TPGS2: variants seen among roughly 807,000 people sequenced by gnomAD.
TPGS2 encodes the protein polyglutamylase subunit 2.
TPGS2 carries 26 observed loss-of-function variants against 31.1 expected under a neutral mutation model. The ratio of observed to expected loss-of-function variants is 0.84; its 90% CI spans 0.61 to 1.16. TPGS2 has a LOEUF of 1.16. Ranked by LOEUF, TPGS2 falls within the 50% of genes most tolerant of loss-of-function variation. The pLI is 0.00. For synonymous variants in TPGS2, 130 were observed against 136.6 expected, an observed-to-expected ratio of 0.95 and a Z score of 0.34; for missense variants, 351 against 363.8, an observed-to-expected ratio of 0.96 and a Z score of 0.29.
In TPGS2 at chr18:36,796,893, C is replaced by T. The variant is rs754194344; in HGVS notation, c.815G>A (p.Gly272Asp). The T allele has an allele frequency of 1.9e-6, 3 of 1,611,154 alleles. No homozygotes were observed. In the South Asian group the frequency reaches 3.3e-5, roughly 18 times the overall value. The stretch of plus-strand genomic sequence containing the variant: ...GGAGGGTCCTGAGGGCCCTTTCTGG[C>T]CACCTGCAGGCTGCACAGGCCCTTT... ...KKKGPVQPAG[G>D]QKGPSGPSGP... Residue 272 changes from glycine to aspartate, a missense_variant, in exon 7 of 7, where the codon GGC becomes GAC. By Grantham distance (94) the Gly-to-Asp change is moderately conservative. Coordinates refer to ENST00000334295, the MANE Select transcript of TPGS2 (RefSeq NM_015476.4).
intron 2 of TPGS2, among the ~76,000 whole-genome samples, chr18:36,808,868 C>CCAGT (rs2045291889): frequency 6.6e-6 from 1 of 152,136 alleles, no homozygotes; most frequent in African/African-American, 2.4e-5. Flanking sequence ...GTGTGTATGA[C>CCAGT]CAGTCTTCCC....
At chr18:36,800,581 G>T (rs912221329) in intron 4 of TPGS2, among the ~76,000 whole-genome samples, 1 of 152,180 alleles carries the variant, frequency 6.6e-6, no homozygotes, top group Non-Finnish European at 1.5e-5. Context: ...TCTTGGAAGT[G>T]GGACCACAGA....
chr18:36,811,025 A>C (rs2045399813), intron 2 of TPGS2, among the ~76,000 whole-genome samples: 1 of 152,198 alleles, frequency 6.6e-6, no homozygotes. Context: ...AAGGACAGAA[A>C]TCAATGTCTC....
chr18:36,805,479 T>C lies in TPGS2; in HGVS notation c.277A>G (p.Met93Val), dbSNP rs751751150. The C allele has an allele frequency of 1.9e-6, 3 of 1,614,110 alleles. No individual in the cohort carries two copies. Among genetic ancestry groups the C allele is most frequent in the South Asian group, 1.1e-5 (1 of 91,080 alleles). ...AGTTTTGAGATGCTGTTAATTGCCA[T>C]GCTTCCCAGTGGAATGATGTGCTCT... Reference protein sequence around the residue: ...LDEHIIPLGSMAINSISKLTQ... With the variant: ...LDEHIIPLGSVAINSISKLTQ... Residue 93 changes from methionine (M) to valine (V), a missense_variant, in exon 4 of 7, where the codon ATG becomes GTG. Coordinates refer to ENST00000334295, the MANE Select transcript of TPGS2 (RefSeq NM_015476.4).
downstream of TPGS2, among the ~76,000 whole-genome samples, chr18:36,782,245 G>C (rs1359861406): frequency 6.6e-6 from 1 of 152,144 alleles, no homozygotes; most frequent in Non-Finnish European, 1.5e-5. Context: ...TTTTGTTTTA[G>C]GGATCAAAAA....
intron 1 of TPGS2, among the ~76,000 whole-genome samples, chr18:36,827,374 G>T (rs971831773): frequency 1.3e-5 from 2 of 152,222 alleles, no homozygotes; most frequent in Non-Finnish European, 2.9e-5. Context: ...TTCAGGGAAG[G>T]TTTCTCTGAA....
At chr18:36,791,102 C>A (rs911943349), downstream of TPGS2, among the ~76,000 whole-genome samples, 1 of 152,096 alleles carries the variant, frequency 6.6e-6, no homozygotes, top group Non-Finnish European at 1.5e-5. Flanking sequence ...GTGTAGCCCT[C>A]CCCCTTCACT....
Position 36,828,959 on chromosome 18 carries a change from C to T in TPGS2, c.-192G>A. The T allele has an allele frequency of 3.0e-6, 3 of 1,003,846 alleles. No homozygotes were observed. Among genetic ancestry groups the T allele is most frequent in the Non-Finnish European group, 4.2e-6 (3 of 716,596 alleles). The allele number at this position is 1,003,846 out of a possible 1,614,324, so 62.2% of individuals were successfully genotyped here. A position where few individuals can be genotyped will look rare whatever the true frequency, so the allele number is the denominator to read the frequency against. On this transcript the variant is annotated 5_prime_UTR_variant, in exon 1 of 7. Transcript: ENST00000334295. Reference sequence around the variant, plus strand: ...GGGGCGCCGGTTCCCGCGGCCCCGCCCGGTGCCCCACACCGCACCTCCGGG... The same window carrying T: ...GGGGCGCCGGTTCCCGCGGCCCCGCTCGGTGCCCCACACCGCACCTCCGGG...
intron 2 of TPGS2, among the ~76,000 whole-genome samples, chr18:36,817,421 TTTTC>T (rs1241795488): frequency 4.3e-4 from 65 of 151,296 alleles, no homozygotes; most frequent in Admixed American, 1.8e-3. Context: ...CAGAACAAAT[TTTTC>T]TTTCTTTCTT....
intron 2 of TPGS2, among the ~76,000 whole-genome samples, chr18:36,813,532 A>G (rs1450073957): frequency 6.6e-6 from 1 of 152,202 alleles, no homozygotes; most frequent in Non-Finnish European, 1.5e-5. Context: ...TTTCATTTGA[A>G]CACAGTCACA....
chr18:36,816,932 C>G (rs889997211), intron 2 of TPGS2, among the ~76,000 whole-genome samples: 1 of 152,198 alleles, frequency 6.6e-6, no homozygotes, highest in African/African-American at 2.4e-5. Context: ...ACCTAAAGGG[C>G]TGACCTAAGC....
intron 6 of TPGS2, among the ~76,000 whole-genome samples, chr18:36,786,264 A>G (rs1364911184): frequency 2.6e-5 from 4 of 152,186 alleles, no homozygotes; most frequent in Non-Finnish European, 5.9e-5. Context: ...TCTGTCACCC[A>G]GGCTGGAATG....
intron 4 of TPGS2, among the ~76,000 whole-genome samples, chr18:36,803,978 C>T (rs1005926586): frequency 3.3e-5 from 5 of 152,020 alleles, no homozygotes; most frequent in Admixed American, 6.6e-5. Context: ...CAGCATGCTA[C>T]AGCCTCAAAC....
intron 6 of TPGS2, chr18:36,788,836 C>G (rs2044212582): frequency 6.6e-6 from 1 of 152,120 alleles, no homozygotes; most frequent in African/African-American, 2.4e-5. Context: ...AAACATTTAT[C>G]CTTTGTGTGA....
chr18:36,803,187 A>C (rs1368549471), intron 4 of TPGS2, among the ~76,000 whole-genome samples: 2 of 152,158 alleles, frequency 1.3e-5, no homozygotes, highest in Non-Finnish European at 2.9e-5. Flanking sequence ...TATTAGCTAT[A>C]GTCATTATGC....
chr18:36,815,944 G>T lies in TPGS2; in HGVS notation c.165+2950C>A, dbSNP rs138518259. On this transcript the variant is annotated intron_variant, in intron 2 of 6. Transcript: ENST00000334295. ...GGCCTCAAGCAATCCTCCCACTTTG[G>T]CCTCTCAAGTAGCTGGGACTACTGG... Among the ~76,000 whole-genome samples, 62 of 152,114 alleles carry T rather than the reference G, an allele frequency of 4.1e-4. No homozygotes were observed. The East Asian group carries it at 8.1e-3, about 20-fold the overall frequency.
Position 36,794,516 on chromosome 18 carries a change from A to G in TPGS2, c.*2289T>C. The G allele has an allele frequency of 1.0e-6, 1 of 985,434 alleles. No homozygotes were observed. The highest frequency in any genetic ancestry group is 1.2e-6 in the Non-Finnish European group (1 of 829,944). 61.0% of individuals were successfully genotyped at this position (985,434 alleles called of 1,614,324 possible). A position where few individuals can be genotyped will look rare whatever the true frequency, so the allele number is the denominator to read the frequency against. ...ATTCGGGGGATCTCCAAGTACTAAA[A>G]AAGGGGTATCTGCTGCAGTGGAAGA... On this transcript the variant is annotated 3_prime_UTR_variant, in exon 7 of 7. Transcript: ENST00000334295.
At chr18:36,807,557 C>A (rs544132951) in intron 3 of TPGS2, 1 of 403,012 alleles carries the variant, frequency 2.5e-6, no homozygotes, top group East Asian at 4.6e-5. Context: ...TTTGAGGTGG[C>A]TAGGGTTTTT....
At chr18:36,817,043 A>G (rs1344856820) in intron 2 of TPGS2, among the ~76,000 whole-genome samples, 1 of 152,272 alleles carries the variant, frequency 6.6e-6, no homozygotes, top group Non-Finnish European at 1.5e-5. Context: ...GCATAGTCAC[A>G]GAAGTACCAG....
Sources: gnomAD v4.1 joint callset for allele counts (sites outside exome capture counted in the v4.1 genomes callset) on GRCh38, gnomAD v4.1.1 for gene constraint, MANE v1.5 for transcripts, NCBI Gene and HGNC (gene_info 2026-07-23, HGNC 2026-07-21) for gene names.